Variants in BTRC observed in about 807,000 individuals in gnomAD.
The protein encoded by BTRC is F-box/WD repeat-containing protein 1A.
Under a neutral mutation model 85.5 loss-of-function variants are expected in BTRC, and 42 were observed. The ratio of observed to expected loss-of-function variants is 0.49; its 90% CI spans 0.38 to 0.64. BTRC has a LOEUF of 0.64. Ranked by LOEUF, BTRC falls within the 30% of genes least tolerant of loss-of-function variation. The pLI, the probability that BTRC is intolerant of heterozygous loss-of-function variation, is 0.00. For missense variants in BTRC, 594 were observed against 743.5 expected, an observed-to-expected ratio of 0.80 and a Z score of 2.34; for synonymous variants, 255 against 263.3, an observed-to-expected ratio of 0.97 and a Z score of 0.30.
At chr10:101,362,637 C>T (rs1049811910) in intron 1 of BTRC, among the ~76,000 whole-genome samples, 20 of 151,902 alleles carry the variant, frequency 1.3e-4, no homozygotes, top group Non-Finnish European at 2.2e-4. Flanking sequence ...TTAGGTGATC[C>T]GCCCGCCTCT....
chr10:101,442,031 C>T (rs2134113753), intron 2 of BTRC, among the ~76,000 whole-genome samples: 1 of 152,172 alleles, frequency 6.6e-6, no homozygotes, highest in African/African-American at 2.4e-5. Flanking sequence ...AGGAACTTAG[C>T]CTGGGTTTGT....
At chr10:101,513,863 A>G (rs1191313568) in intron 4 of BTRC, among the ~76,000 whole-genome samples, 1 of 152,208 alleles carries the variant, frequency 6.6e-6, no homozygotes, top group East Asian at 1.9e-4. Context: ...TTGTTTTCCA[A>G]AGTAGTTGTA....
intron 4 of BTRC, among the ~76,000 whole-genome samples, chr10:101,506,793 C>T (rs1946554070): frequency 1.3e-5 from 2 of 152,166 alleles, no homozygotes; most frequent in African/African-American, 4.8e-5. Flanking sequence ...CTATAGTGTA[C>T]TCATTGTTTC....
At chr10:101,524,083 T>C (rs1247263797) in intron 5 of BTRC, among the ~76,000 whole-genome samples, 1 of 152,150 alleles carries the variant, frequency 6.6e-6, no homozygotes, top group African/African-American at 2.4e-5. Context: ...TATTTGCCAA[T>C]TATACCTTTT....
At chr10:101,431,065 C>CCTTT (rs1174108792) in intron 2 of BTRC, among the ~76,000 whole-genome samples, 1 of 141,464 alleles carries the variant, frequency 7.1e-6, no homozygotes, top group African/African-American at 2.6e-5. Context: ...TTCCCCTCAG[C>CCTTT]CTTTCTTTTT....
intron 2 of BTRC, among the ~76,000 whole-genome samples, chr10:101,435,211 T>G (rs1484914227): frequency 6.6e-6 from 1 of 152,190 alleles, no homozygotes; most frequent in Non-Finnish European, 1.5e-5. Context: ...AGATTTTTAT[T>G]TAGGTAAAAT....
At chr10:101,507,860 G>C (rs1946581860) in intron 4 of BTRC, among the ~76,000 whole-genome samples, 1 of 151,830 alleles carries the variant, frequency 6.6e-6, no homozygotes, top group South Asian at 2.1e-4. Context: ...TCACCACTAG[G>C]ACCCATCCAA....
intron 2 of BTRC, among the ~76,000 whole-genome samples, chr10:101,445,495 G>A (rs187652284): frequency 6.8e-4 from 104 of 152,242 alleles, no homozygotes; most frequent in Middle Eastern, 3.4e-3. Context: ...AAGGTATAGC[G>A]CAGGGACATA....
At chr10:101,420,794 G>C (rs1036941084) in intron 1 of BTRC, among the ~76,000 whole-genome samples, 1 of 151,868 alleles carries the variant, frequency 6.6e-6, no homozygotes, top group African/African-American at 2.4e-5. Flanking sequence ...TCCTTTGCCT[G>C]TACTCACCTA....
intron 3 of BTRC, among the ~76,000 whole-genome samples, chr10:101,470,604 A>G (rs1945498008): frequency 6.6e-6 from 1 of 152,128 alleles, no homozygotes; most frequent in East Asian, 1.9e-4. Flanking sequence ...TGCTGGGATT[A>G]CAGGCGCGAG....
chr10:101,416,499 A>T (rs1350102595), intron 1 of BTRC, among the ~76,000 whole-genome samples: 1 of 152,026 alleles, frequency 6.6e-6, no homozygotes, highest in Non-Finnish European at 1.5e-5. Flanking sequence ...GGTGCCCTTC[A>T]TTGTTCTGGT....
chr10:101,508,913 T>TAAAAAAAAAAAA (rs59998718), intron 4 of BTRC, among the ~76,000 whole-genome samples: 5,613 of 101,326 alleles, frequency 0.055, 306 homozygotes, highest in South Asian at 0.081. Flanking sequence ...GACTCCATCT[T>TAAAAAAAAAAAA]AAAAAAAAAA....
intron 2 of BTRC, among the ~76,000 whole-genome samples, chr10:101,448,993 G>A (rs1944895308): frequency 6.6e-6 from 1 of 151,774 alleles, no homozygotes; most frequent in South Asian, 2.1e-4. Flanking sequence ...GAAGGACACA[G>A]TATAATAATA....
At position 101,532,793 on chromosome 10, in the gene BTRC, CGT is replaced by C. The variant is rs371326688; in HGVS notation, c.979-155_979-154del. Among the ~76,000 whole-genome samples, 26 of 50,580 alleles carry C rather than the reference CGT, an allele frequency of 5.1e-4. No homozygotes were observed. The South Asian group carries it at 0.014, about 27-fold the overall frequency. The allele number at this position is 50,580 out of a possible 152,430, so 33.2% of individuals were successfully genotyped here. ...GTGTGTGTGTGTGTGTGTGTGTGCG[CGT>C]GTGCGCGCGCGCGCGCTTAGCTATA... On this transcript the variant is annotated intron_variant, in intron 8 of 14. Coordinates refer to ENST00000370187, the MANE Select transcript of BTRC (RefSeq NM_033637.4).
At chr10:101,381,309 A>G (rs565507332) in intron 1 of BTRC, among the ~76,000 whole-genome samples, 1 of 152,262 alleles carries the variant, frequency 6.6e-6, no homozygotes, top group East Asian at 1.9e-4. Flanking sequence ...TTTCCAGATC[A>G]AACAGTTTGT....
intron 2 of BTRC, among the ~76,000 whole-genome samples, chr10:101,450,878 G>A (rs1944940731): frequency 6.6e-6 from 1 of 152,036 alleles, no homozygotes; most frequent in Non-Finnish European, 1.5e-5. Flanking sequence ...GTGTAAATTC[G>A]CAGACCTAGC....
At chr10:101,473,982 T>G (rs1945608538) in intron 3 of BTRC, among the ~76,000 whole-genome samples, 1 of 152,190 alleles carries the variant, frequency 6.6e-6, no homozygotes, top group Admixed American at 6.5e-5. Context: ...CTGGTAGAAT[T>G]TTTCATCTGT....
At chr10:101,467,685 TG>T (rs1402496327) in intron 3 of BTRC, among the ~76,000 whole-genome samples, 6 of 152,088 alleles carry the variant, frequency 3.9e-5, no homozygotes, top group Non-Finnish European at 7.4e-5. Flanking sequence ...TAAAGTGCTT[TG>T]GGCTTTGGGT....
Position 101,424,170 on chromosome 10 carries a change from G to T in BTRC, c.49-6175G>T, listed in dbSNP as rs572324839. ...AATCACTTGAACCTGGGAGGCGGAG[G>T]TTGCAGTGAGCCGAGATCATGGCAT... On this transcript the variant is annotated intron_variant, in intron 1 of 14. Coordinates refer to ENST00000370187, the MANE Select transcript of BTRC (RefSeq NM_033637.4). 6.6e-5 allele frequency among the ~76,000 whole-genome samples: 10 copies of T among 152,180 alleles called. 1 individual carries two copies. The highest frequency in any genetic ancestry group is 2.4e-4 in the African/African-American group (10 of 41,532).
Sources: allele counts gnomAD v4.1 joint callset (sites outside exome capture counted in the v4.1 genomes callset), GRCh38; gene constraint gnomAD v4.1.1; transcripts MANE v1.5; gene names NCBI Gene and HGNC (gene_info 2026-07-23, HGNC 2026-07-21).